Variants in MLKL observed in about 807,000 individuals in gnomAD.
The protein encoded by MLKL is mixed lineage kinase domain-like protein.
Under a neutral mutation model 56.5 loss-of-function variants are expected in MLKL, and 55 were observed. The ratio of observed to expected loss-of-function variants is 0.97; its 90% CI spans 0.78 to 1.22. The LOEUF is 1.22. Ranked by LOEUF, MLKL falls within the 50% of genes most tolerant of loss-of-function variation. The probability of loss-of-function intolerance (pLI) is 0.00; values close to 1 mark genes in which losing one functional copy is unlikely to be tolerated. For synonymous variants in MLKL, 251 were observed against 208.3 expected (o/e 1.20, Z -1.76); for missense variants, 694 against 573.9 (o/e 1.21, Z -2.14).
In MLKL at chr16:74,671,977, T is replaced by A. The variant is rs1207101377; in HGVS notation, c.*527A>T. The A allele has an allele frequency of 6.6e-6, 1 of 152,394 alleles. No individual in the cohort carries two copies. Among genetic ancestry groups the A allele is most frequent in the African/African-American group, 2.4e-5 (1 of 41,422 alleles). 9.4% of individuals were successfully genotyped at this position (152,394 alleles called of 1,614,324 possible). A position where few individuals can be genotyped will look rare whatever the true frequency, so the allele number is the denominator to read the frequency against. On this transcript the variant is annotated 3_prime_UTR_variant, in exon 11 of 11. Coordinates refer to ENST00000308807, the MANE Select transcript of MLKL (RefSeq NM_152649.4). ...CCTCATTCATGTGTTAGCTGCCATGTTGGTTGGGCTAGTATGACTTCAGCT... is the reference window on the plus strand; with the variant it reads ...CCTCATTCATGTGTTAGCTGCCATGATGGTTGGGCTAGTATGACTTCAGCT...
intron 1 of MLKL, among the ~76,000 whole-genome samples, chr16:74,699,782 A>C (rs966532252): frequency 2.6e-5 from 4 of 151,646 alleles, no homozygotes; most frequent in Non-Finnish European, 4.4e-5. Context: ...CAAAAAATAC[A>C]AAAAAAATTT....
At chr16:74,689,071 C>T (rs1024256889) in intron 4 of MLKL, among the ~76,000 whole-genome samples, 2 of 150,992 alleles carry the variant, frequency 1.3e-5, no homozygotes, top group South Asian at 4.2e-4. Flanking sequence ...GGAATGACTG[C>T]TAGTGGGTAT....
chr16:74,693,513 T>G (rs1234154469), intron 2 of MLKL, among the ~76,000 whole-genome samples: 4 of 130,122 alleles, frequency 3.1e-5, no homozygotes, highest in African/African-American at 1.1e-4. Flanking sequence ...AAAAAAAAAG[T>G]TCTGGTGATG....
chr16:74,692,511 T>C, intron 2 of MLKL, 95 bp from the exon 3 acceptor site: 1 of 952,142 alleles, frequency 1.1e-6, no homozygotes, highest in East Asian at 2.5e-5. Flanking sequence ...GAGATATCAT[T>C]TTTTACCTAT....
At chr16:74,695,096 TC>T (rs1284187750) in intron 2 of MLKL, among the ~76,000 whole-genome samples, 2 of 152,140 alleles carry the variant, frequency 1.3e-5, no homozygotes, top group African/African-American at 4.8e-5. Flanking sequence ...ATGGTCTCAG[TC>T]TCCTGACCTA....
intron 7 of MLKL, chr16:74,676,537 C>T (rs945628274): frequency 1.1e-6 from 1 of 922,936 alleles, no homozygotes; most frequent in Non-Finnish European, 1.3e-6. Context: ...TCTCTTACAT[C>T]TAGCGCCGTA....
intron 2 of MLKL, among the ~76,000 whole-genome samples, chr16:74,692,927 T>C: frequency 6.6e-6 from 1 of 152,224 alleles, no homozygotes; most frequent in East Asian, 1.9e-4. Context: ...TAACACACTA[T>C]TTACAGTGGT....
At chr16:74,673,603 C>A (rs540698020) in intron 10 of MLKL, among the ~76,000 whole-genome samples, 1 of 151,552 alleles carries the variant, frequency 6.6e-6, no homozygotes, top group Admixed American at 6.6e-5. Context: ...GGGAGGGAGA[C>A]AGTGTAAGGA....
intron 1 of MLKL, among the ~76,000 whole-genome samples, chr16:74,696,506 G>C (rs1252760633): frequency 6.6e-6 from 1 of 151,242 alleles, no homozygotes; most frequent in East Asian, 2.0e-4. Context: ...GAAAAATGCA[G>C]CTGGGCGAGG....
intron 4 of MLKL, 60 bp downstream of exon 4, chr16:74,691,217 C>G (rs556588368): frequency 6.7e-7 from 1 of 1,483,384 alleles, no homozygotes; most frequent in African/African-American, 1.4e-5. Flanking sequence ...ATATCCCTCT[C>G]TCCTTGGAGA....
rs568554020 is a variant in MLKL at position 74,685,535 on chromosome 16, G to T, written c.771C>A (p.Phe257Leu). 18 of 1,614,014 alleles carry T rather than the reference G, an allele frequency of 1.1e-5. 1 individual carries two copies. The Middle Eastern group carries it at 2.0e-3, about 178-fold the overall frequency. The change falls in exon 5 of 11, where the codon TTC becomes TTA. Residue 257 changes from phenylalanine to leucine, a missense_variant. Physicochemically the swap from Phe to Leu is conservative, Grantham distance 22. Coordinates refer to ENST00000308807, the MANE Select transcript of MLKL (RefSeq NM_152649.4). ...FNKEIKTMKK[F>L]ESPNILRIFG... ...ATATACGCAGGATGTTGGGAGATTC[G>T]AATTTCTTCATGGTTTTGATCTCCT...
chr16:74,682,640 C>A lies in MLKL; in HGVS notation c.956+11G>T, dbSNP rs759903556. On this transcript the variant is annotated intron_variant, in intron 6 of 10. Coordinates refer to ENST00000308807, the MANE Select transcript of MLKL (RefSeq NM_152649.4). The stretch of plus-strand genomic sequence containing the variant: ...TCCAACCCTTAGTGGCGCCTTTTCA[C>A]CCCGTCTTACCGGTATAGGCCTCGG... 1 of 1,613,440 alleles carries A rather than the reference C, an allele frequency of 6.2e-7. No individual in the cohort carries two copies. Among genetic ancestry groups the A allele is most frequent in the South Asian group, 1.1e-5 (1 of 91,052 alleles).
intron 3 of MLKL, among the ~76,000 whole-genome samples, chr16:74,691,819 C>T (rs756883835): frequency 2.6e-5 from 4 of 152,004 alleles, no homozygotes; most frequent in East Asian, 1.9e-4. Context: ...TGGCATCTGG[C>T]GTAGTCATTT....
In MLKL at chr16:74,675,652, T is replaced by C; in HGVS notation, c.1151A>G (p.Asp384Gly). Residue 384 changes from aspartate to glycine, a missense_variant, in exon 8 of 11, where the codon GAT (aspartate) becomes GGT (glycine). Physicochemically the swap from Asp to Gly is moderately conservative, Grantham distance 94. Transcript: ENST00000308807. ...TAYLSPQELE[D>G]VFYQYDVKSE... ...CTTTACATCATATTGATAAAATACA[T>C]CTTCCAGTTCCTGAGGTGAGAGATA... 6.2e-7 allele frequency: 1 copy of C among 1,614,082 alleles called. No homozygotes were observed. Among genetic ancestry groups the C allele is most frequent in the African/African-American group, 1.3e-5 (1 of 75,058 alleles).
rs1304279342 is a variant in MLKL at position 74,685,115 on chromosome 16, C to T, written c.820+371G>A. Among the ~76,000 whole-genome samples, 4 of 152,132 alleles carry T rather than the reference C, an allele frequency of 2.6e-5. 1 individual carries two copies. In the South Asian group the frequency reaches 8.3e-4, roughly 32 times the overall value. On this transcript the variant is annotated intron_variant, in intron 5 of 10. Transcript: ENST00000308807. ...CTGACCTCAAGTGACCTGCCTGTCT[C>T]GGCTTACCAAAGTGCTGGGATTACA... is the stretch of plus-strand genomic sequence containing the variant.
rs750054698 is a variant in MLKL at position 74,675,670 on chromosome 16, G to A, written c.1133C>T (p.Ser378Leu). Residue 378 changes from serine (S) to leucine (L), a missense_variant, in exon 8 of 11, where the codon TCA (serine) becomes TTA (leucine). Ser to Leu is a moderately radical substitution (Grantham distance 145). Coordinates refer to ENST00000308807, the MANE Select transcript of MLKL (RefSeq NM_152649.4). Reference protein sequence around the residue: ...TDRVKSTAYLSPQELEDVFYQ... With the variant: ...TDRVKSTAYLLPQELEDVFYQ... Reference sequence around the variant, plus strand: ...AAATACATCTTCCAGTTCCTGAGGTGAGAGATATGCTGTAGATTTGACTCT... The same window carrying A: ...AAATACATCTTCCAGTTCCTGAGGTAAGAGATATGCTGTAGATTTGACTCT... 2.4e-5 allele frequency: 39 copies of A among 1,614,002 alleles called. No individual in the cohort carries two copies. Among genetic ancestry groups the A allele is most frequent in the East Asian group, 6.7e-5 (3 of 44,896 alleles).
intron 4 of MLKL, among the ~76,000 whole-genome samples, chr16:74,687,444 T>C (rs1960402316): frequency 6.6e-6 from 1 of 151,166 alleles, no homozygotes; most frequent in African/African-American, 2.4e-5. Flanking sequence ...AAAACTGAAA[T>C]TGACAAGATA....
intron 1 of MLKL, among the ~76,000 whole-genome samples, chr16:74,696,147 C>T (rs1037860639): frequency 6.6e-6 from 1 of 152,144 alleles, no homozygotes; most frequent in African/African-American, 2.4e-5. Context: ...GGTGGTGGAG[C>T]CCCAAGAAGA....
intron 2 of MLKL, among the ~76,000 whole-genome samples, chr16:74,694,924 G>A (rs1960930566): frequency 6.6e-6 from 1 of 152,178 alleles, no homozygotes; most frequent in East Asian, 1.9e-4. Context: ...CCAGGCTGGA[G>A]TGCAGTGGCG....
Sources: allele counts gnomAD v4.1 joint callset (sites outside exome capture counted in the v4.1 genomes callset), GRCh38; gene constraint gnomAD v4.1.1; transcripts MANE v1.5; gene names NCBI Gene and HGNC (gene_info 2026-07-23, HGNC 2026-07-21).